PCDH9: variants seen among roughly 807,000 people sequenced by gnomAD.
The protein encoded by PCDH9 is protocadherin-9.
In PCDH9, 24 loss-of-function variants were observed where a neutral mutation model predicts 70.6. The ratio of observed to expected loss-of-function variants is 0.34; its 90% CI spans 0.25 to 0.48. The LOEUF (loss-of-function observed/expected upper bound fraction) is 0.48. Ranked by LOEUF, PCDH9 falls within the 20% of genes least tolerant of loss-of-function variation. PCDH9 has a pLI of 0.99. For missense variants in PCDH9, 1,281 were observed against 1,503.6 expected (o/e 0.85, Z 2.45); for synonymous variants, 562 against 558.5 (o/e 1.01, Z -0.09).
intron 4 of PCDH9, among the ~76,000 whole-genome samples, chr13:66,466,684 G>A (rs574634987): frequency 2.4e-4 from 36 of 152,100 alleles, no homozygotes; most frequent in African/African-American, 8.7e-4. Flanking sequence ...AAATATATCT[G>A]CTCACATTAC....
At chr13:67,129,323 A>G (rs1244419576) in intron 2 of PCDH9, among the ~76,000 whole-genome samples, 1 of 152,220 alleles carries the variant, frequency 6.6e-6, no homozygotes, top group African/African-American at 2.4e-5. Flanking sequence ...AATTATGCCT[A>G]TGGTTTAAAA....
intron 4 of PCDH9, among the ~76,000 whole-genome samples, chr13:66,568,583 GAT>G (rs1555307562): frequency 0.27 from 40,545 of 149,860 alleles, 5,749 homozygotes; most frequent in East Asian, 0.35. Context: ...GAGGTGGAAG[GAT>G]AGCTTGAGCC....
At chr13:67,107,575 G>A (rs1014353575) in intron 2 of PCDH9, among the ~76,000 whole-genome samples, 2 of 152,142 alleles carry the variant, frequency 1.3e-5, no homozygotes, top group African/African-American at 4.8e-5. Flanking sequence ...ATTGTTGGGA[G>A]GACCTGCCTA....
At chr13:67,113,420 G>C (rs1293827709) in intron 2 of PCDH9, among the ~76,000 whole-genome samples, 5 of 152,114 alleles carry the variant, frequency 3.3e-5, no homozygotes, top group Admixed American at 3.3e-4. Context: ...CCACAACATT[G>C]TCAGCTGTAA....
intron 3 of PCDH9, among the ~76,000 whole-genome samples, chr13:66,764,155 G>A (rs2079673383): frequency 6.6e-6 from 1 of 151,116 alleles, no homozygotes; most frequent in Admixed American, 6.6e-5. Context: ...CTTCCATATT[G>A]TATTTCTTAA....
intron 2 of PCDH9, among the ~76,000 whole-genome samples, chr13:66,938,566 TAG>T (rs2139678103): frequency 6.6e-6 from 1 of 152,312 alleles, no homozygotes; most frequent in Non-Finnish European, 1.5e-5. Context: ...GATGGTTATT[TAG>T]AGTTTGCAAT....
chr13:66,325,058 A>G (rs1955818971), intron 4 of PCDH9, among the ~76,000 whole-genome samples: 2 of 152,026 alleles, frequency 1.3e-5, no homozygotes, highest in African/African-American at 2.4e-5. Flanking sequence ...TCATGAGAAT[A>G]TCATTTATTA....
At chr13:66,450,388 A>G (rs1958181142) in intron 4 of PCDH9, among the ~76,000 whole-genome samples, 1 of 152,192 alleles carries the variant, frequency 6.6e-6, no homozygotes, top group African/African-American at 2.4e-5. Context: ...GTAATGAATG[A>G]TAGGATATTT....
At chr13:66,706,629 A>G (rs1244349001) in intron 3 of PCDH9, among the ~76,000 whole-genome samples, 1 of 152,222 alleles carries the variant, frequency 6.6e-6, no homozygotes, top group Non-Finnish European at 1.5e-5. Context: ...CAAGTGACAA[A>G]TGATGTTTTA....
At chr13:67,163,711 A>G (rs543465500) in intron 2 of PCDH9, among the ~76,000 whole-genome samples, 2 of 152,342 alleles carry the variant, frequency 1.3e-5, no homozygotes, top group South Asian at 4.1e-4. Flanking sequence ...ATGTTTGCAG[A>G]GATATGCGAT....
At chr13:67,006,097 G>A (rs1237286093) in intron 2 of PCDH9, among the ~76,000 whole-genome samples, 1 of 152,154 alleles carries the variant, frequency 6.6e-6, no homozygotes, top group East Asian at 1.9e-4. Flanking sequence ...CCTGGCGGCA[G>A]GCACCTGTAG....
At chr13:66,535,938 A>G (rs1297247633) in intron 4 of PCDH9, among the ~76,000 whole-genome samples, 1 of 152,078 alleles carries the variant, frequency 6.6e-6, no homozygotes, top group Non-Finnish European at 1.5e-5. Context: ...GAAAGTTTCA[A>G]AGACTAAACC....
chr13:66,349,106 AGAGTTT>A (rs2138165058), intron 4 of PCDH9, among the ~76,000 whole-genome samples: 1 of 152,310 alleles, frequency 6.6e-6, no homozygotes, highest in South Asian at 2.1e-4. Flanking sequence ...TGAATTACTG[AGAGTTT>A]GACAAACAAG....
At chr13:66,891,782 T>G (rs1178262641) in intron 3 of PCDH9, among the ~76,000 whole-genome samples, 1 of 152,070 alleles carries the variant, frequency 6.6e-6, no homozygotes, top group Non-Finnish European at 1.5e-5. Context: ...AACTTCATTA[T>G]TTTATAATTC....
chr13:67,108,429 G>T (rs1399796538), intron 2 of PCDH9, among the ~76,000 whole-genome samples: 1 of 152,154 alleles, frequency 6.6e-6, no homozygotes, highest in Non-Finnish European at 1.5e-5. Context: ...GTGTTAAATT[G>T]TGACAGTTAA....
intron 2 of PCDH9, among the ~76,000 whole-genome samples, chr13:67,058,073 T>C: frequency 6.6e-6 from 1 of 152,172 alleles, no homozygotes; most frequent in East Asian, 1.9e-4. Context: ...TCAGAGTTCT[T>C]ATACGTTATA....
intron 4 of PCDH9, among the ~76,000 whole-genome samples, chr13:66,391,571 A>G (rs775834242): frequency 3.9e-5 from 6 of 152,168 alleles, no homozygotes; most frequent in Non-Finnish European, 7.4e-5. Context: ...CACAAACTCA[A>G]TGTTGCATGG....
At chr13:66,992,665 T>C (rs1238914219) in intron 2 of PCDH9, among the ~76,000 whole-genome samples, 1 of 152,178 alleles carries the variant, frequency 6.6e-6, no homozygotes, top group Non-Finnish European at 1.5e-5. Flanking sequence ...AATTGATTAC[T>C]TATTTCAGGC....
At chr13:66,323,292 A>G (rs979176806) in intron 4 of PCDH9, 1 of 152,034 alleles carries the variant, frequency 6.6e-6, no homozygotes, top group African/African-American at 2.4e-5. Flanking sequence ...TCAAAAATTA[A>G]CTTTAGGAAA....
Sources: allele counts gnomAD v4.1 joint callset (sites outside exome capture counted in the v4.1 genomes callset), GRCh38; gene constraint gnomAD v4.1.1; transcripts MANE v1.5; gene names NCBI Gene and HGNC (gene_info 2026-07-23, HGNC 2026-07-21).